The following TCERG1L variants were observed in gnomAD, a reference collection of about 807,000 sequenced individuals.
The protein encoded by TCERG1L is transcription elongation regulator 1-like protein.
TCERG1L carries 37 observed loss-of-function variants against 56.3 expected under a neutral mutation model. The observed-to-expected ratio is 0.66, with a 90% CI of 0.51 to 0.87. The LOEUF (loss-of-function observed/expected upper bound fraction) is 0.87, where lower values mean the gene tolerates loss of function less well. TCERG1L is among the 40% of genes least tolerant of loss of function. TCERG1L has a pLI of 0.00. For missense variants in TCERG1L, 799 were observed against 774.2 expected (o/e 1.03, Z -0.38); for synonymous variants, 324 against 326.3 (o/e 0.99, Z 0.08).
intron 8 of TCERG1L, among the ~76,000 whole-genome samples, chr10:131,122,265 C>T (rs1183740522): frequency 6.6e-6 from 1 of 152,142 alleles, no homozygotes; most frequent in Non-Finnish European, 1.5e-5. Context: ...CATACCACAC[C>T]TCAGCTGCAC....
intron 4 of TCERG1L, among the ~76,000 whole-genome samples, chr10:131,221,427 C>T (rs906247880): frequency 3.9e-5 from 6 of 152,218 alleles, no homozygotes; most frequent in African/African-American, 7.2e-5. Flanking sequence ...AAAGACCCCA[C>T]CTAGGGTGAC....
intron 3 of TCERG1L, among the ~76,000 whole-genome samples, chr10:131,283,223 C>A (rs1846481873): frequency 6.6e-6 from 1 of 152,192 alleles, no homozygotes; most frequent in Non-Finnish European, 1.5e-5. Context: ...AAAGGCTGAT[C>A]AGGCCTCCAA....
chr10:131,129,208 G>A (rs1291597662), intron 8 of TCERG1L, among the ~76,000 whole-genome samples: 1 of 149,674 alleles, frequency 6.7e-6, no homozygotes, highest in Non-Finnish European at 1.5e-5. Context: ...CCTCTAAGAG[G>A]AAAAAAAAAA....
intron 4 of TCERG1L, among the ~76,000 whole-genome samples, chr10:131,248,826 C>T (rs1026551348): frequency 6.6e-6 from 1 of 152,194 alleles, no homozygotes; most frequent in Non-Finnish European, 1.5e-5. Flanking sequence ...TCCTTCTGCT[C>T]CCATCACAGC....
At chr10:131,098,475 TGAAA>T (rs1845272079) in intron 10 of TCERG1L, 51 bp from the exon 11 acceptor site, 1 of 1,517,364 alleles carries the variant, frequency 6.6e-7, no homozygotes, top group East Asian at 2.5e-5. Flanking sequence ...ATATCAGAAA[TGAAA>T]TCTTGTATTC....
chr10:131,162,858 G>T (rs759364925), intron 6 of TCERG1L: 27 of 329,928 alleles, frequency 8.2e-5, no homozygotes, highest in Non-Finnish European at 1.3e-4. Flanking sequence ...ACTGCCTTTC[G>T]CTGATAGACA....
rs188957297 is a variant in TCERG1L, at chr10:131,245,040, C to G, written c.856+15219G>C. On this transcript the variant is annotated intron_variant, in intron 4 of 11. Coordinates refer to ENST00000368642, the MANE Select transcript of TCERG1L (RefSeq NM_174937.4). ...GGGGAGTGGGGGAGCCCCTCAGCTG[C>G]TGGAAGGCACCTGGACAAAGCCCAG... Among the ~76,000 whole-genome samples, 158 of 152,314 alleles carry G rather than the reference C, an allele frequency of 1.0e-3. 1 individual carries two copies. Among genetic ancestry groups the G allele is most frequent in the African/African-American group, 3.7e-3 (153 of 41,572 alleles).
intron 8 of TCERG1L, among the ~76,000 whole-genome samples, chr10:131,126,108 C>T (rs1845562989): frequency 1.3e-5 from 2 of 152,236 alleles, no homozygotes; most frequent in African/African-American, 4.8e-5. Context: ...AGCACCCCTG[C>T]TTCTGCCCTG....
chr10:131,205,979 G>A (rs1249972668), intron 4 of TCERG1L, among the ~76,000 whole-genome samples: 5 of 152,120 alleles, frequency 3.3e-5, no homozygotes, highest in Admixed American at 6.5e-5. Flanking sequence ...AGGGGTCCAC[G>A]GGCAGATGGT....
At chr10:131,130,087 T>TAA (rs34675215) in intron 8 of TCERG1L, among the ~76,000 whole-genome samples, 6,026 of 116,086 alleles carry the variant, frequency 0.052, 227 homozygotes, top group East Asian at 0.23. Context: ...GGGTGATTTA[T>TAA]AAAAAAAAAA....
chr10:131,308,436 G>C, intron 2 of TCERG1L, 45 bp from the exon 3 acceptor site: 1 of 1,525,750 alleles, frequency 6.6e-7, no homozygotes, highest in Non-Finnish European at 9.0e-7. Flanking sequence ...CAAGGTGCAT[G>C]ATAAAAGCTG....
chr10:131,236,484 C>T, intron 4 of TCERG1L, among the ~76,000 whole-genome samples: 1 of 152,190 alleles, frequency 6.6e-6, no homozygotes, highest in East Asian at 1.9e-4. Context: ...GTCACCGTGC[C>T]CTGTGGCTAC....
At chr10:131,207,168 ACCTCTTCCCCTACCCTGAT>A (rs1448527249) in intron 4 of TCERG1L, among the ~76,000 whole-genome samples, 1 of 125,372 alleles carries the variant, frequency 8.0e-6, no homozygotes, top group Non-Finnish European at 1.7e-5. Flanking sequence ...ACTTGCCCCG[ACCTCTTCCCCTACCCTGAT>A]CCCCTCCCCC....
chr10:131,207,689 C>T lies in TCERG1L; in HGVS notation c.857-40804G>A, dbSNP rs558804909. On this transcript the variant is annotated intron_variant, in intron 4 of 11. Transcript: ENST00000368642. ...GTGTCCGCTTCCTGTGAGGACAGCG[C>T]GGGCCTCTGCAGCAAGAGGAGGGGT... Among the ~76,000 whole-genome samples, 44 of 152,272 alleles carry T rather than the reference C, an allele frequency of 2.9e-4. 2 individuals are homozygous for T. Among genetic ancestry groups the T allele is most frequent in the African/African-American group, 9.9e-4 (41 of 41,586 alleles).
chr10:131,259,738 G>A (rs896332835), intron 4 of TCERG1L, among the ~76,000 whole-genome samples: 5 of 152,186 alleles, frequency 3.3e-5, no homozygotes, highest in South Asian at 2.1e-4. Flanking sequence ...CCTTTGTGGC[G>A]GCCCAAGCCT....
intron 4 of TCERG1L, among the ~76,000 whole-genome samples, chr10:131,199,286 G>C (rs1440633064): frequency 6.6e-6 from 1 of 152,192 alleles, no homozygotes; most frequent in African/African-American, 2.4e-5. Context: ...GCCAGACAGA[G>C]GATGTTCCAA....
chr10:131,293,551 C>T (rs943144232), intron 3 of TCERG1L, among the ~76,000 whole-genome samples: 2 of 152,034 alleles, frequency 1.3e-5, no homozygotes, highest in Non-Finnish European at 2.9e-5. Context: ...CCAAGATAAC[C>T]TCCCCTCTGC....
At chr10:131,140,436 G>A (rs1845722513) in intron 7 of TCERG1L, among the ~76,000 whole-genome samples, 1 of 152,190 alleles carries the variant, frequency 6.6e-6, no homozygotes, top group Admixed American at 6.5e-5. Context: ...GAGGAGGATG[G>A]GGCTTGGTAG....
At chr10:131,254,698 C>A (rs1035229969) in intron 4 of TCERG1L, among the ~76,000 whole-genome samples, 1 of 152,086 alleles carries the variant, frequency 6.6e-6, no homozygotes, top group African/African-American at 2.4e-5. Context: ...TGCCGAGGGG[C>A]TGGAGAGGAG....
Sources: gnomAD v4.1 joint callset for allele counts (sites outside exome capture counted in the v4.1 genomes callset) on GRCh38, gnomAD v4.1.1 for gene constraint, MANE v1.5 for transcripts, NCBI Gene and HGNC (gene_info 2026-07-23, HGNC 2026-07-21) for gene names.